The following FAT3 variants were observed in gnomAD, a reference collection of about 807,000 sequenced individuals.
FAT3 encodes the protein FAT atypical cadherin 3.
A neutral mutation model predicts 310.2 loss-of-function variants in FAT3; 95 were observed. The observed-to-expected ratio is 0.31, with a 90% CI of 0.26 to 0.36. The LOEUF (loss-of-function observed/expected upper bound fraction) is 0.36. Ranked by LOEUF, FAT3 falls within the 10% of genes least tolerant of loss-of-function variation. The pLI, the probability that FAT3 is intolerant of heterozygous loss-of-function variation, is 1.00. For missense variants in FAT3, 5,408 were observed against 5,715.6 expected, an observed-to-expected ratio of 0.95 and a Z score of 1.74; for synonymous variants, 2,314 against 2,192.9, an observed-to-expected ratio of 1.06 and a Z score of -1.54.
chr11:92,731,140 G>A (rs1945164389), intron 4 of FAT3, among the ~76,000 whole-genome samples: 2 of 152,102 alleles, frequency 1.3e-5, no homozygotes, highest in South Asian at 4.1e-4. Context: ...TCAGCATTTT[G>A]CTATTGAATA....
At chr11:92,836,826 A>T in intron 16 of FAT3, 123 bp downstream of exon 16, 1 of 1,095,720 alleles carries the variant, frequency 9.1e-7, no homozygotes, top group Non-Finnish European at 1.3e-6. Context: ...GTAAATAAGG[A>T]TGGGCTAAAA....
At chr11:92,746,675 C>T (rs1182118904) in intron 4 of FAT3, among the ~76,000 whole-genome samples, 1 of 152,150 alleles carries the variant, frequency 6.6e-6, no homozygotes, top group African/African-American at 2.4e-5. Flanking sequence ...CACCTATGAG[C>T]CTGTAAAATC....
intron 2 of FAT3, among the ~76,000 whole-genome samples, chr11:92,443,398 TAACAC>T (rs1951125453): frequency 1.3e-5 from 2 of 152,172 alleles, no homozygotes; most frequent in African/African-American, 2.4e-5. Flanking sequence ...TCTAACAACT[TAACAC>T]AGCTCAATTT....
In FAT3 at chr11:92,895,480, A is replaced by G. The variant is rs1230000973; in HGVS notation, c.*4367A>G. The stretch of plus-strand genomic sequence containing the variant: ...AATAATTACAAGTAGGTAATAATAC[A>G]CAAAGGCCATAATTAGTCTCTTCTA... On this transcript the variant is annotated 3_prime_UTR_variant, in exon 28 of 28. Transcript: ENST00000525166. 1 of 152,258 alleles carries G rather than the reference A, an allele frequency of 6.6e-6. No homozygotes were observed. The highest frequency in any genetic ancestry group is 2.4e-5 in the African/African-American group (1 of 41,478). 9.4% of individuals were successfully genotyped at this position (152,258 alleles called of 1,614,324 possible).
At chr11:92,235,997 A>T (rs1419323449) in intron 1 of FAT3, among the ~76,000 whole-genome samples, 1 of 152,248 alleles carries the variant, frequency 6.6e-6, no homozygotes, top group East Asian at 1.9e-4. Context: ...AGCATATCTC[A>T]GTGCTGAGTT....
At chr11:92,516,818 A>C (rs1197919287) in intron 2 of FAT3, among the ~76,000 whole-genome samples, 2 of 152,174 alleles carry the variant, frequency 1.3e-5, no homozygotes, top group African/African-American at 2.4e-5. Flanking sequence ...AATGTGCAAA[A>C]ATCACAAGCA....
intron 3 of FAT3, among the ~76,000 whole-genome samples, chr11:92,618,839 T>G (rs775674397): frequency 1.3e-5 from 2 of 152,154 alleles, no homozygotes; most frequent in Admixed American, 6.5e-5. Flanking sequence ...TTTTTTCTTT[T>G]TCTTATTTAA....
chr11:92,859,663 C>T (rs747402953), intron 21 of FAT3, among the ~76,000 whole-genome samples: 1 of 152,104 alleles, frequency 6.6e-6, no homozygotes, highest in Non-Finnish European at 1.5e-5. Context: ...TTGGCTGTAT[C>T]GTTTTCTACC....
chr11:92,451,329 G>A (rs915446173), intron 2 of FAT3, among the ~76,000 whole-genome samples: 1 of 152,152 alleles, frequency 6.6e-6, no homozygotes, highest in Non-Finnish European at 1.5e-5. Context: ...ACAGCTCCGC[G>A]GATAAGGTTG....
At chr11:92,532,392 G>A (rs1045017506) in intron 3 of FAT3, among the ~76,000 whole-genome samples, 1 of 152,050 alleles carries the variant, frequency 6.6e-6, no homozygotes, top group African/African-American at 2.4e-5. Context: ...TCTGTCTTAT[G>A]TAACTTCAGT....
intron 8 of FAT3, among the ~76,000 whole-genome samples, chr11:92,791,183 A>T (rs1391820235): frequency 6.6e-6 from 1 of 152,230 alleles, no homozygotes; most frequent in Non-Finnish European, 1.5e-5. Flanking sequence ...GAGGTCTTCC[A>T]GTCATCACTA....
chr11:92,719,036 A>G (rs1261750623), intron 4 of FAT3, among the ~76,000 whole-genome samples: 2 of 152,208 alleles, frequency 1.3e-5, no homozygotes, highest in Non-Finnish European at 2.9e-5. Flanking sequence ...AGGTTTCTCC[A>G]GCTTTCCATG....
At chr11:92,794,901 G>T (rs1476765317) in intron 9 of FAT3, among the ~76,000 whole-genome samples, 1 of 152,222 alleles carries the variant, frequency 6.6e-6, no homozygotes. Context: ...TTGAGGGTGG[G>T]AGACAGGCAG....
At chr11:92,274,083 A>G (rs1214512965) in intron 1 of FAT3, among the ~76,000 whole-genome samples, 2 of 152,060 alleles carry the variant, frequency 1.3e-5, no homozygotes, top group Non-Finnish European at 2.9e-5. Context: ...TTAAGTCCTA[A>G]TATTTCTGAA....
At chr11:92,560,068 C>A (rs1955167658) in intron 3 of FAT3, among the ~76,000 whole-genome samples, 1 of 152,188 alleles carries the variant, frequency 6.6e-6, no homozygotes, top group Non-Finnish European at 1.5e-5. Flanking sequence ...CATTATACAT[C>A]CCACTATCAG....
chr11:92,246,172 C>G (rs1864895377), intron 1 of FAT3, among the ~76,000 whole-genome samples: 2 of 151,998 alleles, frequency 1.3e-5, no homozygotes, highest in African/African-American at 2.4e-5. Flanking sequence ...GTACTGAATA[C>G]TCTTTTAAGA....
At chr11:92,534,109 C>G (rs1954168999) in intron 3 of FAT3, among the ~76,000 whole-genome samples, 1 of 152,092 alleles carries the variant, frequency 6.6e-6, no homozygotes, top group Admixed American at 6.5e-5. Flanking sequence ...TTCTTGGATG[C>G]CATTGTTAGG....
At chr11:92,749,168 G>A (rs1258856731) in intron 4 of FAT3, 7 of 152,138 alleles carry the variant, frequency 4.6e-5, no homozygotes, top group East Asian at 1.9e-4. Flanking sequence ...AAAGTGGAGC[G>A]TAAACATTAC....
chr11:92,457,801 A>C (rs571386667), intron 2 of FAT3, among the ~76,000 whole-genome samples: 17 of 152,282 alleles, frequency 1.1e-4, no homozygotes, highest in African/African-American at 4.1e-4. Context: ...GTGCACCTGT[A>C]GTCCCAGCCA....
Sources: gnomAD v4.1 joint callset for allele counts (sites outside exome capture counted in the v4.1 genomes callset) on GRCh38, gnomAD v4.1.1 for gene constraint, MANE v1.5 for transcripts, NCBI Gene and HGNC (gene_info 2026-07-23, HGNC 2026-07-21) for gene names.